The following TSNARE1 variants were observed in gnomAD, a reference collection of about 807,000 sequenced individuals.
TSNARE1 encodes the protein t-SNARE domain containing 1.
Under a neutral mutation model 62.0 loss-of-function variants are expected in TSNARE1, and 49 were observed. The observed-to-expected ratio is 0.79, with a 90% CI of 0.63 to 1.00. The LOEUF (loss-of-function observed/expected upper bound fraction) is 1.00. Among genes scored for constraint, TSNARE1 ranks in the 50% least tolerant of loss-of-function variants. The pLI is 0.00. For missense variants in TSNARE1, 755 were observed against 700.1 expected (o/e 1.08, Z -0.88); for synonymous variants, 328 against 294.4 (o/e 1.11, Z -1.17).
intron 7 of TSNARE1, among the ~76,000 whole-genome samples, chr8:142,315,950 A>T (rs1181096596): frequency 6.6e-6 from 1 of 152,190 alleles, no homozygotes; most frequent in Non-Finnish European, 1.5e-5. Flanking sequence ...CTGACCGTGC[A>T]CCCACCAAGC....
rs146904442 is a variant in TSNARE1 at position 142,305,958 on chromosome 8, C to T, written c.1132-5314G>A. Among the ~76,000 whole-genome samples, 654 of 152,266 alleles carry T rather than the reference C, an allele frequency of 4.3e-3. 6 individuals are homozygous for T. The highest frequency in any genetic ancestry group is 0.015 in the African/African-American group (610 of 41,548). ...GCCAGGCATTCAGAAAGCAGGGACC[C>T]GAGGCCGGCGCTCAGGGCTCTCCAA... On this transcript the variant is annotated intron_variant, in intron 9 of 13. Transcript: ENST00000524325.
At chr8:142,267,402 C>A (rs1040367687) in intron 12 of TSNARE1, among the ~76,000 whole-genome samples, 3 of 152,178 alleles carry the variant, frequency 2.0e-5, no homozygotes, top group South Asian at 2.1e-4. Flanking sequence ...TGGCCGTGCT[C>A]ATTTGAGCCA....
chr8:142,271,024 A>G, intron 12 of TSNARE1: 1 of 985,740 alleles, frequency 1.0e-6, no homozygotes, highest in Middle Eastern at 5.2e-4. Context: ...GCCTGGACTC[A>G]GCAGGGGAAA....
rs1454264793 is a variant in TSNARE1, at chr8:142,330,894, C to T, written c.893+7G>A. The T allele has an allele frequency of 1.9e-6, 3 of 1,613,982 alleles. No individual in the cohort carries two copies. Among genetic ancestry groups the T allele is most frequent in the East Asian group, 2.2e-5 (1 of 44,874 alleles). On this transcript the variant is annotated splice_region_variant and intron_variant, in intron 6 of 13. Transcript: ENST00000524325. ...AGGCAAAGAGATACCATGGCCCACACACTCACAGGCTGTCCCGAAGCTCCT... is the reference window on the plus strand; with the variant it reads ...AGGCAAAGAGATACCATGGCCCACATACTCACAGGCTGTCCCGAAGCTCCT...
In TSNARE1 at chr8:142,314,984, G is replaced by A. The variant is rs770876336; in HGVS notation, c.1074+19C>T. ...CCCACCTGGCCTGCAGACCCCCACT[G>A]CCCCCACCAGCACCTCACCTTCTGC... is the stretch of plus-strand genomic sequence containing the variant. On this transcript the variant is annotated intron_variant, in intron 8 of 13. Coordinates refer to ENST00000524325, the MANE Select transcript of TSNARE1 (RefSeq NM_145003.5). 29 of 1,612,972 alleles carry A rather than the reference G, an allele frequency of 1.8e-5. No homozygotes were observed. The highest frequency in any genetic ancestry group is 2.4e-5 in the Non-Finnish European group (28 of 1,179,110).
chr8:142,352,917 A>G (rs898670006), intron 2 of TSNARE1, among the ~76,000 whole-genome samples: 22 of 152,204 alleles, frequency 1.4e-4, no homozygotes, highest in African/African-American at 5.1e-4. Flanking sequence ...ACACGTGTGC[A>G]CATGCACACA....
intron 10 of TSNARE1, among the ~76,000 whole-genome samples, chr8:142,289,306 C>T (rs1563837549): frequency 6.6e-6 from 1 of 152,216 alleles, no homozygotes; most frequent in Non-Finnish European, 1.5e-5. Flanking sequence ...CCACTTCCCA[C>T]AGGCCCTGGG....
chr8:142,224,807 C>T (rs1047368747), intron 13 of TSNARE1, among the ~76,000 whole-genome samples: 2 of 152,090 alleles, frequency 1.3e-5, no homozygotes, highest in South Asian at 2.1e-4. Flanking sequence ...AGACCAGGTG[C>T]CTGTGGTTTC....
intron 11 of TSNARE1, chr8:142,277,962 G>C (rs1051267735): frequency 1.0e-6 from 1 of 985,250 alleles, no homozygotes; most frequent in Non-Finnish European, 1.2e-6. Context: ...CCCAAACCAG[G>C]TCTGCCTCTG....
intron 11 of TSNARE1, 162 bp from the exon 12 acceptor site, chr8:142,275,025 C>T (rs938314113): frequency 1.7e-5 from 17 of 985,432 alleles, no homozygotes; most frequent in Admixed American, 6.1e-5. Flanking sequence ...CCGAGGGCTC[C>T]GCGTGGTGTG....
chr8:142,221,824 C>T (rs199881586), intron 13 of TSNARE1, among the ~76,000 whole-genome samples: 2 of 20,722 alleles, frequency 9.7e-5, no homozygotes, highest in African/African-American at 1.5e-4. Flanking sequence ...CACTCATTCA[C>T]TCACTCACTC....
intron 12 of TSNARE1, among the ~76,000 whole-genome samples, chr8:142,248,184 G>A (rs897208580): frequency 1.5e-4 from 23 of 152,154 alleles, no homozygotes; most frequent in African/African-American, 4.1e-4. Context: ...GACCCTGCCC[G>A]GACAAGATGT....
intron 4 of TSNARE1, among the ~76,000 whole-genome samples, chr8:142,334,957 T>C (rs1365613532): frequency 6.6e-6 from 1 of 152,172 alleles, no homozygotes; most frequent in Non-Finnish European, 1.5e-5. Flanking sequence ...AGGGTGAAAG[T>C]AACAGCAAGA....
intron 12 of TSNARE1, among the ~76,000 whole-genome samples, chr8:142,248,209 G>C (rs1817986062): frequency 6.6e-6 from 1 of 152,178 alleles, no homozygotes; most frequent in Non-Finnish European, 1.5e-5. Context: ...CCTGGACCTT[G>C]GACTCCCAGC....
Position 142,318,641 on chromosome 8 carries a change from G to A in TSNARE1, c.894-7C>T, listed in dbSNP as rs752613346. 3.7e-6 allele frequency: 6 copies of A among 1,613,514 alleles called. No homozygotes were observed. Among genetic ancestry groups the A allele is most frequent in the Non-Finnish European group, 5.1e-6 (6 of 1,179,928 alleles). On this transcript the variant is annotated splice_polypyrimidine_tract_variant and splice_region_variant and intron_variant, in intron 6 of 13. Transcript: ENST00000524325. ...CTCCTGCTGTGCCGTGTGCCTGGGG[G>A]CCGAGAAGGAGCCAGGAGCGAAGGC...
chr8:142,310,381 C>G (rs185128075), intron 9 of TSNARE1, among the ~76,000 whole-genome samples: 1 of 151,740 alleles, frequency 6.6e-6, no homozygotes, highest in Non-Finnish European at 1.5e-5. Context: ...ATCTGAAGCC[C>G]GCCAGTCCTC....
chr8:142,357,560 G>A (rs1834844923), intron 1 of TSNARE1, among the ~76,000 whole-genome samples: 1 of 152,170 alleles, frequency 6.6e-6, no homozygotes, highest in Non-Finnish European at 1.5e-5. Context: ...GAGGGAGGAG[G>A]GTGGAGCTAG....
chr8:142,221,343 A>G (rs572318480), intron 13 of TSNARE1, among the ~76,000 whole-genome samples: 273 of 152,344 alleles, frequency 1.8e-3, no homozygotes, highest in African/African-American at 6.4e-3. Context: ...GGCACATAAC[A>G]CAAAGGCCAT....
intron 4 of TSNARE1, among the ~76,000 whole-genome samples, chr8:142,341,543 G>A (rs1353420042): frequency 2.0e-5 from 3 of 152,176 alleles, no homozygotes; most frequent in Admixed American, 2.0e-4. Flanking sequence ...CACCTGGGGC[G>A]CATCCAGACA....
Sources: allele counts gnomAD v4.1 joint callset (sites outside exome capture counted in the v4.1 genomes callset), GRCh38; gene constraint gnomAD v4.1.1; transcripts MANE v1.5; gene names NCBI Gene and HGNC (gene_info 2026-07-23, HGNC 2026-07-21).